Variants in PHF14 observed in about 807,000 individuals in gnomAD.
PHF14 encodes PHD finger protein 14.
A neutral mutation model predicts 117.9 loss-of-function variants in PHF14; 55 were observed. The observed-to-expected ratio is 0.47, with a 90% confidence interval of 0.38 to 0.58. PHF14 has a LOEUF of 0.58. PHF14 is among the 20% of genes least tolerant of loss of function. The pLI is 0.00. For missense variants in PHF14, 978 were observed against 1,122.2 expected, an observed-to-expected ratio of 0.87 and a Z score of 1.84; for synonymous variants, 409 against 368.6, an observed-to-expected ratio of 1.11 and a Z score of -1.26.
intron 7 of PHF14, 67 bp from the exon 8 acceptor site, chr7:11,035,571 TTG>T (rs1289556471): frequency 3.3e-6 from 3 of 901,756 alleles, no homozygotes; most frequent in Non-Finnish European, 4.7e-6. Context: ...TAATATTCTT[TTG>T]TGTTAGGTCT....
At chr7:10,977,315 C>T (rs1234480212) in intron 2 of PHF14, among the ~76,000 whole-genome samples, 6 of 152,106 alleles carry the variant, frequency 3.9e-5, no homozygotes, top group African/African-American at 1.2e-4. Flanking sequence ...GAATGAACTA[C>T]GGACTTCCTT....
At chr7:10,982,170 C>T (rs889251471) in intron 2 of PHF14, among the ~76,000 whole-genome samples, 1 of 152,152 alleles carries the variant, frequency 6.6e-6, no homozygotes, top group Non-Finnish European at 1.5e-5. Context: ...TAGCACTATA[C>T]TGAACTAAAA....
intron 4 of PHF14, among the ~76,000 whole-genome samples, chr7:11,002,925 C>G (rs1409677617): frequency 6.6e-6 from 1 of 151,996 alleles, no homozygotes; most frequent in Admixed American, 6.5e-5. Flanking sequence ...TGCTCCAGCT[C>G]TTCTACTGTC....
chr7:11,160,931 G>A (rs1174991817), intron 17 of PHF14, among the ~76,000 whole-genome samples: 1 of 152,026 alleles, frequency 6.6e-6, no homozygotes, highest in Non-Finnish European at 1.5e-5. Context: ...GGTTCCATTT[G>A]TCAATTTTTG....
At chr7:10,994,910 G>C (rs781004264) in intron 4 of PHF14, among the ~76,000 whole-genome samples, 3 of 152,152 alleles carry the variant, frequency 2.0e-5, no homozygotes, top group Non-Finnish European at 2.9e-5. Context: ...AAGGGGACCC[G>C]AGCGGGTTGC....
At chr7:11,061,443 G>A (rs1334975267) in intron 14 of PHF14, 1 of 162,698 alleles carries the variant, frequency 6.1e-6, no homozygotes, top group Non-Finnish European at 1.3e-5. Flanking sequence ...GATGTGATAA[G>A]TTATGAAAAT....
In PHF14 at chr7:10,989,248, C is replaced by T. The variant is rs373370999; in HGVS notation, c.901-1455C>T. ...ATATTGGAAGAATTATTAATTGTGA[C>T]CTTCAAGTGTATTCAAGTGTCAGTT... On this transcript the variant is annotated intron_variant, in intron 3 of 17. Coordinates refer to ENST00000634607, the MANE Select transcript of PHF14 (RefSeq NM_001007157.2). Among the ~76,000 whole-genome samples, 5 of 152,142 alleles carry T rather than the reference C, an allele frequency of 3.3e-5. No homozygotes were observed. The East Asian group carries it at 9.7e-4, about 29-fold the overall frequency.
intron 17 of PHF14, among the ~76,000 whole-genome samples, chr7:11,148,291 A>G (rs561401556): frequency 1.2e-4 from 19 of 152,346 alleles, no homozygotes; most frequent in African/African-American, 4.6e-4. Flanking sequence ...AATAACCGTT[A>G]TGGGCTATGT....
intron 13 of PHF14, 137 bp from the exon 14 acceptor site, chr7:11,051,475 T>C (rs2128326683): frequency 1.6e-6 from 1 of 644,310 alleles, no homozygotes; most frequent in Non-Finnish European, 2.5e-6. Flanking sequence ...TTTTTCATTA[T>C]GTACCCTATA....
intron 13 of PHF14, among the ~76,000 whole-genome samples, chr7:11,045,494 A>C (rs1178648059): frequency 6.6e-6 from 1 of 152,184 alleles, no homozygotes; most frequent in Non-Finnish European, 1.5e-5. Flanking sequence ...CTGTACCTAG[A>C]ATTAATTACT....
At chr7:11,076,474 AT>A (rs1785853689) in intron 16 of PHF14, among the ~76,000 whole-genome samples, 1 of 150,232 alleles carries the variant, frequency 6.7e-6, no homozygotes, top group Non-Finnish European at 1.5e-5. Flanking sequence ...ATGTCATTGG[AT>A]TTTTTATATT....
At chr7:11,037,177 T>G in intron 10 of PHF14, 86 bp downstream of exon 10, 2 of 1,222,992 alleles carry the variant, frequency 1.6e-6, no homozygotes, top group Non-Finnish European at 2.2e-6. Context: ...CTTTTATGTT[T>G]TGTTTTTAAT....
At chr7:10,975,053 G>A (rs1474068819) in intron 2 of PHF14, 108 bp downstream of exon 2, 11 of 678,330 alleles carry the variant, frequency 1.6e-5, no homozygotes, top group Non-Finnish European at 2.6e-5. Flanking sequence ...GTGAAAGCAC[G>A]TAAACTTCAT....
chr7:11,142,867 TG>T (rs1345121473), intron 17 of PHF14, among the ~76,000 whole-genome samples: 1 of 152,176 alleles, frequency 6.6e-6, no homozygotes, highest in Non-Finnish European at 1.5e-5. Context: ...ACTCCGTTAA[TG>T]ACTTAATGGT....
chr7:10,987,130 A>C (rs1328454689), intron 3 of PHF14, among the ~76,000 whole-genome samples: 1 of 152,186 alleles, frequency 6.6e-6, no homozygotes, highest in African/African-American at 2.4e-5. Flanking sequence ...CTTATTAATC[A>C]GTTGTCTTTT....
intron 4 of PHF14, among the ~76,000 whole-genome samples, chr7:10,997,986 G>A (rs978594094): frequency 1.3e-5 from 2 of 152,188 alleles, no homozygotes; most frequent in Non-Finnish European, 2.9e-5. Flanking sequence ...GGCTATCTTA[G>A]AGGCTGCCTA....
chr7:11,019,868 A>G (rs186409280), intron 5 of PHF14, among the ~76,000 whole-genome samples: 19 of 152,256 alleles, frequency 1.2e-4, no homozygotes, highest in Admixed American at 9.2e-4. Context: ...ACCTATAGCT[A>G]TAAACCTCCC....
At chr7:11,160,647 G>T (rs1583512962) in intron 17 of PHF14, among the ~76,000 whole-genome samples, 1 of 152,022 alleles carries the variant, frequency 6.6e-6, no homozygotes, top group East Asian at 1.9e-4. Flanking sequence ...ATATCTTTTT[G>T]ATTTGCATTT....
intron 2 of PHF14, among the ~76,000 whole-genome samples, chr7:10,981,284 TTCA>T (rs995140164): frequency 2.0e-5 from 3 of 152,180 alleles, no homozygotes; most frequent in Non-Finnish European, 2.9e-5. Context: ...TGCAAAAAAA[TTCA>T]TCATCCTGTG....
Sources: allele counts gnomAD v4.1 joint callset (sites outside exome capture counted in the v4.1 genomes callset), GRCh38; gene constraint gnomAD v4.1.1; transcripts MANE v1.5; gene names NCBI Gene and HGNC (gene_info 2026-07-23, HGNC 2026-07-21).